GET1: variants seen among roughly 807,000 people sequenced by gnomAD.
The protein encoded by GET1 is guided entry of tail-anchored proteins factor 1, also known as congenital heart disease 5 protein.
A neutral mutation model predicts 22.6 loss-of-function variants in GET1; 20 were observed. The observed-to-expected ratio is 0.89, with a 90% CI of 0.62 to 1.29. The LOEUF (loss-of-function observed/expected upper bound fraction) is 1.29, where lower values mean the gene tolerates loss of function less well. Ranked by LOEUF, GET1 falls within the 50% of genes most tolerant of loss-of-function variation. The pLI, the probability that GET1 is intolerant of heterozygous loss-of-function variation, is 0.00. For synonymous variants in GET1, 92 were observed against 83.8 expected (o/e 1.10, Z -0.53); for missense variants, 209 against 219.9 (o/e 0.95, Z 0.31).
At chr21:39,380,705 C>G (rs2037501862) in intron 1 of GET1, 1 of 1,362,584 alleles carries the variant, frequency 7.3e-7, no homozygotes, top group African/African-American at 1.5e-5. Flanking sequence ...GGAGAAACAC[C>G]GGGCAACCCT....
chr21:39,386,849 C>CTT (rs11389229), intron 1 of GET1, among the ~76,000 whole-genome samples: 6,069 of 148,330 alleles, frequency 0.041, 159 homozygotes, highest in Non-Finnish European at 0.062. Context: ...TACTTTAAAA[C>CTT]TTTTTTTTTT....
chr21:39,424,051 T>G (rs746855733), intron 1 of GET1, among the ~76,000 whole-genome samples: 35 of 152,228 alleles, frequency 2.3e-4, no homozygotes, highest in Non-Finnish European at 3.8e-4. Context: ...CTCCCTCCAT[T>G]GCCCAGGCTG....
chr21:39,408,634 A>C (rs2837011), downstream of GET1: 116,201 of 152,408 alleles, frequency 0.76, 44,665 homozygotes, highest in African/African-American at 0.84. Flanking sequence ...TCTCCTTGGA[A>C]CCCAAAGAAG....
chr21:39,391,496 T>C (rs560789027), intron 2 of GET1: 40 of 398,312 alleles, frequency 1.0e-4, no homozygotes, highest in African/African-American at 7.5e-4. Context: ...AACTGTATTA[T>C]ACAAAGAATC....
chr21:39,407,034 C>T (rs2039185491), downstream of GET1, among the ~76,000 whole-genome samples: 1 of 152,116 alleles, frequency 6.6e-6, no homozygotes, highest in South Asian at 2.1e-4. Flanking sequence ...TGAGACCAGC[C>T]TGGGCAACAT....
At chr21:39,383,200 C>T (rs907290873) in intron 1 of GET1, among the ~76,000 whole-genome samples, 15 of 151,854 alleles carry the variant, frequency 9.9e-5, no homozygotes, top group African/African-American at 2.9e-4. Context: ...GTGATCTGCC[C>T]GCCTTGGCCT....
chr21:39,403,228 C>T (rs1438925692), intron 4 of GET1, among the ~76,000 whole-genome samples: 4 of 152,226 alleles, frequency 2.6e-5, no homozygotes, highest in Non-Finnish European at 5.9e-5. Context: ...TCCCTTACTC[C>T]TTCCGTCCTC....
At chr21:39,391,570 C>A in intron 2 of GET1, 199 bp from the exon 3 acceptor site, 1 of 533,502 alleles carries the variant, frequency 1.9e-6, no homozygotes, top group South Asian at 2.1e-5. Flanking sequence ...CAATCTGAGT[C>A]GGATACTATT....
intron 3 of GET1, among the ~76,000 whole-genome samples, chr21:39,392,493 G>C (rs1219893879): frequency 7.1e-6 from 1 of 140,858 alleles, no homozygotes; most frequent in African/African-American, 2.5e-5. Flanking sequence ...TAATTCTGAG[G>C]CACTGTCATT....
rs114075087 is a variant in GET1, at chr21:39,395,524, C to T, written c.452-1342C>T. On this transcript the variant is annotated intron_variant, in intron 4 of 4. Coordinates refer to ENST00000649170, the MANE Select transcript of GET1 (RefSeq NM_004627.6). ...GGATTACAGGTGCCCACCACACGCC[C>T]GACTAGTTTTTGTAGTTTTAGTAGA... Among the ~76,000 whole-genome samples, 707 of 152,150 alleles carry T rather than the reference C, an allele frequency of 4.6e-3. 4 individuals carry two copies. Among genetic ancestry groups the T allele is most frequent in the African/African-American group, 0.016 (670 of 41,470 alleles).
At chr21:39,393,360 T>C (rs2038431946) in intron 4 of GET1, 80 bp downstream of exon 4, 4 of 1,127,798 alleles carry the variant, frequency 3.5e-6, no homozygotes, top group African/African-American at 1.5e-5. Flanking sequence ...TAAGTTAGCC[T>C]GACATCCTCC....
At position 39,423,498 on chromosome 21, in the gene GET1, A is replaced by T. The variant is rs764769766; in HGVS notation, c.*24-4734A>T. ...CTGATATTTCCTTCTGGCCTGTGTA[A>T]GCAGAAAATCCAGTTTATTACTAGT... On this transcript the variant is annotated intron_variant, in intron 1 of 1. Coordinates refer to the GET1 transcript ENST00000478273. 6 of 1,537,738 alleles carry T rather than the reference A, an allele frequency of 3.9e-6. No homozygotes were observed. In the East Asian group the frequency reaches 1.1e-4, roughly 29 times the overall value.
chr21:39,420,598 A>T, intron 1 of GET1: 1 of 861,096 alleles, frequency 1.2e-6, no homozygotes, highest in Non-Finnish European at 1.8e-6. Flanking sequence ...GAGGAGCCTT[A>T]TATATGTATG....
Position 39,396,916 on chromosome 21 carries a change from A to G in GET1, c.502A>G (p.Ile168Val), listed in dbSNP as rs1246612822. Reference protein sequence around the residue: ...WILVCNKVVAIVLHPFS With the variant: ...WILVCNKVVAVVLHPFS Reference sequence around the variant, plus strand: ...TTTAGTCTGTAACAAAGTTGTCGCTATTGTGCTTCATCCGTTCAGCTGAAC... The same window carrying G: ...TTTAGTCTGTAACAAAGTTGTCGCTGTTGTGCTTCATCCGTTCAGCTGAAC... The change falls in exon 5 of 5, where the codon ATT becomes GTT. Residue 168 changes from isoleucine (I) to valine (V), a missense_variant. Physicochemically the swap from Ile to Val is conservative, Grantham distance 29. Coordinates refer to ENST00000649170, the MANE Select transcript of GET1 (RefSeq NM_004627.6). The G allele has an allele frequency of 2.5e-6, 4 of 1,613,970 alleles. No individual in the cohort carries two copies. Among genetic ancestry groups the G allele is most frequent in the Non-Finnish European group, 3.4e-6 (4 of 1,179,998 alleles).
At chr21:39,398,928 C>T (rs2038770099), downstream of GET1, among the ~76,000 whole-genome samples, 1 of 150,962 alleles carries the variant, frequency 6.6e-6, no homozygotes, top group Admixed American at 6.6e-5. Context: ...TTAGTAGAGA[C>T]AGGATTTCAC....
chr21:39,387,911 T>C (rs2038029052), intron 1 of GET1: 1 of 885,634 alleles, frequency 1.1e-6, no homozygotes, highest in Non-Finnish European at 1.4e-6. Flanking sequence ...AGGCACACTT[T>C]AGATACACTA....
chr21:39,387,800 G>T, intron 1 of GET1: 1 of 985,682 alleles, frequency 1.0e-6, no homozygotes, highest in Non-Finnish European at 1.2e-6. Context: ...GCGGGTCGCG[G>T]CTTCCAAGCT....
downstream of GET1, chr21:39,410,400 T>C (rs1450559361): frequency 2.7e-6 from 3 of 1,122,686 alleles, no homozygotes; most frequent in Admixed American, 2.2e-5. Flanking sequence ...GTAAGAAACA[T>C]ATTTTACATT....
Position 39,391,781 on chromosome 21 carries a change from C to T in GET1, c.281C>T (p.Thr94Ile). The T allele has an allele frequency of 6.2e-7, 1 of 1,614,164 alleles. No homozygotes were observed. The highest frequency in any genetic ancestry group is 8.5e-7 in the Non-Finnish European group (1 of 1,180,026). ...TTTTTCCTTTCAGTGAAAGCTCGGA[C>T]AGCTCAATTAGCCAAGATAAAATGG... The part of the protein sequence containing the change: ...DKLKTHVKAR[T>I]AQLAKIKWVI... The change falls in exon 3 of 5, where the codon ACA becomes ATA. Residue 94 changes from threonine (T) to isoleucine (I), a missense_variant. Thr to Ile is a moderately conservative substitution (Grantham distance 89, BLOSUM62 -1). Coordinates refer to ENST00000649170, the MANE Select transcript of GET1 (RefSeq NM_004627.6).
Sources: gnomAD v4.1 joint callset for allele counts (sites outside exome capture counted in the v4.1 genomes callset) on GRCh38, gnomAD v4.1.1 for gene constraint, MANE v1.5 for transcripts, NCBI Gene and HGNC (gene_info 2026-07-23, HGNC 2026-07-21) for gene names.